Variants in CELF2 observed in about 807,000 individuals in gnomAD.
CELF2 encodes the protein CUGBP Elav-like family member 2.
A neutral mutation model predicts 62.6 loss-of-function variants in CELF2; 8 were observed. The observed-to-expected ratio is 0.13, with a 90% CI of 0.07 to 0.23. The LOEUF (loss-of-function observed/expected upper bound fraction) is 0.23, where lower values mean the gene tolerates loss of function less well. Ranked by LOEUF, CELF2 falls within the 10% of genes least tolerant of loss-of-function variation. CELF2 has a pLI of 1.00. For synonymous variants in CELF2, 258 were observed against 250.0 expected (o/e 1.03, Z -0.30); for missense variants, 333 against 671.0 (o/e 0.50, Z 5.56).
chr10:10,714,476 G>T, the CELF2 span, among the ~76,000 whole-genome samples: 248 of 152,286 alleles, frequency 1.6e-3, 1 homozygote, highest in African/African-American at 5.8e-3. Context: ...AAGAGGAAAA[G>T]AAAGTGTGAA....
the CELF2 span, among the ~76,000 whole-genome samples, chr10:10,608,248 A>G: frequency 6.6e-6 from 1 of 152,220 alleles, no homozygotes; most frequent in Non-Finnish European, 1.5e-5. Flanking sequence ...CCCAGAAGAT[A>G]CTTGGTTTGG....
intron 1 of CELF2, among the ~76,000 whole-genome samples, chr10:11,105,912 A>ACTATCTG (rs1191033974): frequency 1.3e-5 from 2 of 152,192 alleles, no homozygotes; most frequent in African/African-American, 2.4e-5. Flanking sequence ...CATAGCACTT[A>ACTATCTG]CTATCTGGCA....
chr10:10,709,629 C>A, the CELF2 span, among the ~76,000 whole-genome samples: 2 of 152,138 alleles, frequency 1.3e-5, no homozygotes, highest in African/African-American at 4.8e-5. Context: ...ATTTTCCAAG[C>A]TACTCAGGAT....
At chr10:11,058,767 C>CT (rs2065985252) in intron 1 of CELF2, among the ~76,000 whole-genome samples, 2 of 149,790 alleles carry the variant, frequency 1.3e-5, no homozygotes, top group South Asian at 4.3e-4. Flanking sequence ...CGCGCCCGGG[C>CT]TTTTTTGTTT....
the CELF2 span, among the ~76,000 whole-genome samples, chr10:10,674,641 G>C: frequency 6.6e-6 from 1 of 152,106 alleles, no homozygotes; most frequent in Non-Finnish European, 1.5e-5. Context: ...TTTAATTGAG[G>C]ATTTGATATG....
rs147601566 is a variant in CELF2, at chr10:11,224,883, T to C, written c.354+7376T>C. On this transcript the variant is annotated intron_variant, in intron 3 of 12. Transcript: ENST00000633077. The surrounding 1 kb of genome is among the most constrained non-coding windows in gnomAD (Gnocchi z 4.5). ...GGTTCTTCCCCCACACACTAGGAAA[T>C]AGGGAATGGCTGAGCTGGGGAGAGC... Among the ~76,000 whole-genome samples the C allele has an allele frequency of 6.6e-6, 1 of 151,990 alleles. No individual in the cohort carries two copies. Among genetic ancestry groups the C allele is most frequent in the African/African-American group, 2.4e-5 (1 of 41,436 alleles).
chr10:10,844,884 C>T (rs1196546789), intron 1 of CELF2, among the ~76,000 whole-genome samples: 2 of 152,124 alleles, frequency 1.3e-5, no homozygotes, highest in African/African-American at 4.8e-5. Flanking sequence ...ACCTCTTCCA[C>T]AAGGATCTCC....
rs2064408769 is a variant in CELF2 at position 11,156,457 on chromosome 10, T to A, written c.75-9029T>A. 6.6e-6 allele frequency among the ~76,000 whole-genome samples: 1 copy of A among 152,198 alleles called. No homozygotes were observed. The highest frequency in any genetic ancestry group is 1.5e-5 in the Non-Finnish European group (1 of 68,044). On this transcript the variant is annotated intron_variant, in intron 1 of 12. Coordinates refer to ENST00000633077, the MANE Select transcript of CELF2 (RefSeq NM_001326342.2). The surrounding 1 kb of genome is among the most constrained non-coding windows in gnomAD (Gnocchi z 4.3). ...TATTTAATATTGCAGCCCTCTTATT[T>A]AATACCCTGCAACGCCCTCCCCTGC...
chr10:10,651,935 G>A, the CELF2 span, among the ~76,000 whole-genome samples: 2 of 150,898 alleles, frequency 1.3e-5, no homozygotes, highest in African/African-American at 2.4e-5. Flanking sequence ...AGCTACGGGA[G>A]GACATTCAAA....
chr10:11,224,649 T>G lies in CELF2; in HGVS notation c.354+7142T>G, dbSNP rs9783127. 0.065 allele frequency among the ~76,000 whole-genome samples: 9,965 copies of G among 152,190 alleles called. 489 individuals carry two copies. The highest frequency in any genetic ancestry group is 0.14 in the African/African-American group (5,638 of 41,502). ...CACCTAGAAAATTGTCCAAATTCTG[T>G]CATTAGCGTATAGGGTTTCCATGAG... is the stretch of plus-strand genomic sequence containing the variant. On this transcript the variant is annotated intron_variant, in intron 3 of 12. Transcript: ENST00000633077. The surrounding 1 kb of genome is among the most constrained non-coding windows in gnomAD (Gnocchi z 4.5).
chr10:10,656,706 C>A, the CELF2 span, among the ~76,000 whole-genome samples: 1 of 99,712 alleles, frequency 1.0e-5, no homozygotes, highest in Non-Finnish European at 2.0e-5. Flanking sequence ...GAATATCACA[C>A]TCTGGGGACT....
intron 2 of CELF2, among the ~76,000 whole-genome samples, chr10:11,187,579 C>CCG (rs111867624): frequency 0.39 from 59,281 of 151,492 alleles, 12,397 homozygotes; most frequent in East Asian, 0.67. Flanking sequence ...GGTCGCCCCC[C>CCG]CCCCAACCTG....
At chr10:10,835,885 G>A (rs1037301238) in intron 1 of CELF2, among the ~76,000 whole-genome samples, 17 of 152,174 alleles carry the variant, frequency 1.1e-4, no homozygotes, top group Non-Finnish European at 1.5e-5. Flanking sequence ...GTGAGGCCAA[G>A]GGCAGAATCG....
At chr10:11,115,012 T>C (rs1483532090) in intron 1 of CELF2, among the ~76,000 whole-genome samples, 1 of 152,214 alleles carries the variant, frequency 6.6e-6, no homozygotes, top group Non-Finnish European at 1.5e-5. Flanking sequence ...TCAATAAACA[T>C]TTTTGCAAGG....
At chr10:10,884,876 T>C (rs1164218218) in intron 1 of CELF2, among the ~76,000 whole-genome samples, 1 of 152,276 alleles carries the variant, frequency 6.6e-6, no homozygotes, top group Non-Finnish European at 1.5e-5. Flanking sequence ...CATTGTGGCA[T>C]GCTTATTGTG....
At chr10:11,275,939 C>T (rs1200107365) in intron 8 of CELF2, among the ~76,000 whole-genome samples, 1 of 152,014 alleles carries the variant, frequency 6.6e-6, no homozygotes, top group Non-Finnish European at 1.5e-5. Context: ...TGTTTCATTC[C>T]AAAAAGGTGG....
rs958595994 is a variant in CELF2, at chr10:11,217,635, C to T, written c.354+128C>T. On this transcript the variant is annotated intron_variant, in intron 3 of 12. Transcript: ENST00000633077. The surrounding 1 kb of genome is among the most constrained non-coding windows in gnomAD (Gnocchi z 5.6). ...GTCTTTTGAGGAGTGTGTGCTGACC[C>T]CCCAGTTCCCTGCAGCAGCCACACC... is the stretch of plus-strand genomic sequence containing the variant. 2 of 594,530 alleles carry T rather than the reference C, an allele frequency of 3.4e-6. No homozygotes were observed. The highest frequency in any genetic ancestry group is 6.2e-5 in the East Asian group (2 of 32,476). The allele number at this position is 594,530 out of a possible 1,614,324, so 36.8% of individuals were successfully genotyped here.
intron 5 of CELF2, among the ~76,000 whole-genome samples, chr10:11,259,938 C>A (rs1256792913): frequency 6.6e-6 from 1 of 152,198 alleles, no homozygotes; most frequent in African/African-American, 2.4e-5. Flanking sequence ...TGTTGTTATT[C>A]TCAGTCACAC....
the CELF2 span, among the ~76,000 whole-genome samples, chr10:10,662,481 C>G: frequency 1.3e-5 from 2 of 152,086 alleles, no homozygotes; most frequent in Admixed American, 1.3e-4. Flanking sequence ...GCCTGATTCC[C>G]TGTAGTGGCT....
Sources: gnomAD v4.1 joint callset for allele counts (sites outside exome capture counted in the v4.1 genomes callset) on GRCh38, gnomAD v4.1.1 for gene constraint, Gnocchi (gnomAD v3.1) non-coding constraint, MANE v1.5 for transcripts, NCBI Gene and HGNC (gene_info 2026-07-23, HGNC 2026-07-21) for gene names.